SS18L2: variants seen among roughly 807,000 people sequenced by gnomAD.
SS18L2 encodes the protein SS18 like 2.
Under a neutral mutation model 10.3 loss-of-function variants are expected in SS18L2, and 8 were observed. The observed-to-expected ratio is 0.78, with a 90% confidence interval of 0.46 to 1.41. The LOEUF (loss-of-function observed/expected upper bound fraction) is 1.41. Among genes scored for constraint, SS18L2 ranks in the 40% most tolerant of loss-of-function variants. The pLI is 0.00. For synonymous variants in SS18L2, 41 were observed against 34.6 expected (o/e 1.19, Z -0.65); for missense variants, 100 against 96.2 (o/e 1.04, Z -0.17).
chr3:42,596,111 T>G lies in SS18L2; in HGVS notation c.*1602T>G, dbSNP rs1350386671. On this transcript the variant is annotated 3_prime_UTR_variant, in exon 3 of 3. Coordinates refer to ENST00000011691, the MANE Select transcript of SS18L2 (RefSeq NM_001370300.1). ...ATTTTGGCTCACTGCAACCTCTACC[T>G]CCTGGGTTCAAGTGATTCTCCTGCC... Among the ~76,000 whole-genome samples the G allele has an allele frequency of 6.6e-6, 1 of 152,042 alleles. No homozygotes were observed. Among genetic ancestry groups the G allele is most frequent in the Admixed American group, 6.6e-5 (1 of 15,264 alleles).
chr3:42,596,229 T>C lies in SS18L2; in HGVS notation c.*1720T>C, dbSNP rs1441085600. On this transcript the variant is annotated 3_prime_UTR_variant, in exon 3 of 3. Transcript: ENST00000011691. ...TAGAGACGGGGTTTCTCCATGTTGGTCAGGCTGGTCTCGTACTCACGACCT... is the reference window on the plus strand; with the variant it reads ...TAGAGACGGGGTTTCTCCATGTTGGCCAGGCTGGTCTCGTACTCACGACCT... Among the ~76,000 whole-genome samples, 2 of 152,082 alleles carry C rather than the reference T, an allele frequency of 1.3e-5. No individual in the cohort carries two copies. Among genetic ancestry groups the C allele is most frequent in the African/African-American group, 4.8e-5 (2 of 41,432 alleles).
At position 42,594,223 on chromosome 3, in the gene SS18L2, A is replaced by G. The variant is rs1577377233; in HGVS notation, c.147-199A>G. Among the ~76,000 whole-genome samples, 3 of 152,370 alleles carry G rather than the reference A, an allele frequency of 2.0e-5. No individual in the cohort carries two copies. The Middle Eastern group carries it at 0.01, about 518-fold the overall frequency. On this transcript the variant is annotated intron_variant, in intron 2 of 2. Transcript: ENST00000011691. ...AATAGTTCAAGCAAGAAATGATAGT[A>G]GCTATGAAAGTAATCAGTAAGAATG...
chr3:42,586,058 C>G (rs1385742815), upstream of SS18L2, among the ~76,000 whole-genome samples: 1 of 152,152 alleles, frequency 6.6e-6, no homozygotes, highest in Non-Finnish European at 1.5e-5. Context: ...CCTTCTTTCC[C>G]CTCTCCCCTT....
At chr3:42,588,847 A>C (rs1359575784), upstream of SS18L2, among the ~76,000 whole-genome samples, 1 of 152,084 alleles carries the variant, frequency 6.6e-6, no homozygotes, top group African/African-American at 2.4e-5. Flanking sequence ...GCTTTGGGGA[A>C]TTTTCCTGAG....
chr3:42,586,358 GACT>G (rs1479855472), upstream of SS18L2, among the ~76,000 whole-genome samples: 2 of 152,078 alleles, frequency 1.3e-5, no homozygotes, highest in Non-Finnish European at 2.9e-5. Flanking sequence ...AAGTAGCTGG[GACT>G]ACAGGCCTGT....
At chr3:42,582,894 G>A (rs1255299900) in intron 1 of SS18L2, among the ~76,000 whole-genome samples, 1 of 152,208 alleles carries the variant, frequency 6.6e-6, no homozygotes, top group African/African-American at 2.4e-5. Flanking sequence ...TGCTTAATAG[G>A]TACAGAATTT....
chr3:42,587,399 A>AT (rs943534865), upstream of SS18L2: 18 of 150,358 alleles, frequency 1.2e-4, no homozygotes, highest in South Asian at 4.2e-4. Flanking sequence ...ACACCATCTC[A>AT]TTTTTTTTTA....
At chr3:42,593,505 C>T (rs1704929166) in intron 2 of SS18L2, among the ~76,000 whole-genome samples, 1 of 152,112 alleles carries the variant, frequency 6.6e-6, no homozygotes, top group African/African-American at 2.4e-5. Flanking sequence ...GGGACTTGAG[C>T]TCGAGCATCC....
chr3:42,593,897 A>G (rs1201320730), intron 2 of SS18L2, among the ~76,000 whole-genome samples: 1 of 152,160 alleles, frequency 6.6e-6, no homozygotes, highest in Admixed American at 6.5e-5. Context: ...AAAGCCCCCT[A>G]GTAGGAGTGT....
chr3:42,591,040 A>G (rs1704813535), intron 1 of SS18L2, 74 bp downstream of exon 1: 45 of 1,486,610 alleles, frequency 3.0e-5, no homozygotes, highest in Non-Finnish European at 4.1e-5. Context: ...TGCGAGAAGC[A>G]TCCTGTAGTG....
upstream of SS18L2, chr3:42,587,355 C>T (rs1381754897): frequency 1.3e-5 from 2 of 152,202 alleles, no homozygotes; most frequent in Non-Finnish European, 2.9e-5. Flanking sequence ...TATGCTGGAA[C>T]AGGTTGGTCC....
intron 2 of SS18L2, among the ~76,000 whole-genome samples, chr3:42,593,986 A>C (rs773120261): frequency 1.6e-4 from 25 of 152,198 alleles, no homozygotes; most frequent in Non-Finnish European, 3.4e-4. Context: ...AAGAGGTGAG[A>C]TCAGAGGGGG....
Position 42,591,523 on chromosome 3 carries a change from A to G in SS18L2, c.70-2A>G. On this transcript the variant is annotated splice_acceptor_variant, in intron 1 of 2. Transcript: ENST00000011691. LOFTEE classifies it high-confidence loss of function. Reference sequence around the variant, plus strand: ...TGACCCTTTCTTTCTCTGATCTTTCAGCTCCTTGAGGAGAATGACCAGCTG... The same window carrying G: ...TGACCCTTTCTTTCTCTGATCTTTCGGCTCCTTGAGGAGAATGACCAGCTG... 6.2e-7 allele frequency: 1 copy of G among 1,612,546 alleles called. No homozygotes were observed. Among genetic ancestry groups the G allele is most frequent in the Non-Finnish European group, 8.5e-7 (1 of 1,178,644 alleles).
chr3:42,589,645 C>T (rs1221124313), upstream of SS18L2, among the ~76,000 whole-genome samples: 1 of 152,184 alleles, frequency 6.6e-6, no homozygotes, highest in Non-Finnish European at 1.5e-5. Flanking sequence ...CTCACAGGAG[C>T]GTGAACCCTA....
At chr3:42,582,147 C>CG (rs1459226526) in intron 1 of SS18L2, 2 of 152,184 alleles carry the variant, frequency 1.3e-5, no homozygotes, top group Non-Finnish European at 2.9e-5. Flanking sequence ...GGGAGTGTGA[C>CG]GGGGGCGCGC....
upstream of SS18L2, among the ~76,000 whole-genome samples, chr3:42,588,363 C>T (rs1322536578): frequency 6.6e-6 from 1 of 152,110 alleles, no homozygotes; most frequent in South Asian, 2.1e-4. Context: ...TGAGATTGCA[C>T]CAATGCACTC....
upstream of SS18L2, among the ~76,000 whole-genome samples, chr3:42,590,645 A>G (rs1704788086): frequency 6.6e-6 from 1 of 151,834 alleles, no homozygotes; most frequent in Non-Finnish European, 1.5e-5. Context: ...GTAGGTCAGC[A>G]GTAGACCCAG....
At position 42,591,601 on chromosome 3, in the gene SS18L2, A is replaced by G. The variant is rs757970825; in HGVS notation, c.146A>G (p.Gln49Arg). 1.2e-6 allele frequency: 2 copies of G among 1,610,996 alleles called. No homozygotes were observed. The highest frequency in any genetic ancestry group is 2.2e-5 in the East Asian group (1 of 44,870). Residue 49 changes from glutamine to arginine, a missense_variant and splice_region_variant, in exon 2 of 3, where the codon CAG becomes CGG. Gln to Arg is a conservative substitution (Grantham distance 43). Coordinates refer to ENST00000011691, the MANE Select transcript of SS18L2 (RefSeq NM_001370300.1). The stretch of plus-strand genomic sequence containing the variant: ...AAGGGCCGCGGGAACGAGTGCGTGC[A>G]GTAAGTACCCCCACCCCCGCGCCCC... ...QNKGRGNECV[Q>R]YQHVLHRNLI...
intron 1 of SS18L2, among the ~76,000 whole-genome samples, chr3:42,584,014 C>G (rs912829024): frequency 6.6e-6 from 1 of 152,196 alleles, no homozygotes; most frequent in African/African-American, 2.4e-5. Flanking sequence ...TGAACTGAAG[C>G]AGTCTACCAG....
Sources: allele counts gnomAD v4.1 joint callset (sites outside exome capture counted in the v4.1 genomes callset), GRCh38; gene constraint gnomAD v4.1.1; transcripts MANE v1.5; gene names NCBI Gene and HGNC (gene_info 2026-07-23, HGNC 2026-07-21).